Variants in DNAI4 observed in about 807,000 individuals in gnomAD.
DNAI4 encodes the protein WD repeat domain 78.
In DNAI4, 85 loss-of-function variants were observed where a neutral mutation model predicts 105.8. That is an observed-to-expected ratio of 0.80 (90% CI 0.67 to 0.96). DNAI4 has a LOEUF of 0.96. Among genes scored for constraint, DNAI4 ranks in the 40% least tolerant of loss-of-function variants. The pLI is 0.00. For synonymous variants in DNAI4, 352 were observed against 331.5 expected, an observed-to-expected ratio of 1.06 and a Z score of -0.67; for missense variants, 1,014 against 1,005.6, an observed-to-expected ratio of 1.01 and a Z score of -0.11.
At chr1:66,870,268 C>T (rs1439087413) in intron 6 of DNAI4, among the ~76,000 whole-genome samples, 1 of 151,152 alleles carries the variant, frequency 6.6e-6, no homozygotes, top group African/African-American at 2.4e-5. Context: ...ATGGTGAAAC[C>T]CCATCTCTAC....
chr1:66,878,484 A>G (rs951472951), intron 4 of DNAI4, among the ~76,000 whole-genome samples: 1 of 152,182 alleles, frequency 6.6e-6, no homozygotes, highest in African/African-American at 2.4e-5. Context: ...ATTAGAAACC[A>G]AAATCTGAGC....
At chr1:66,891,358 A>T in intron 3 of DNAI4, 92 bp from the exon 4 acceptor site, 2 of 840,266 alleles carry the variant, frequency 2.4e-6, no homozygotes, top group Non-Finnish European at 3.8e-6. Context: ...AGATGGAGAA[A>T]TCAAATATAC....
At chr1:66,859,399 A>C (rs1646577242) in intron 7 of DNAI4, among the ~76,000 whole-genome samples, 1 of 152,182 alleles carries the variant, frequency 6.6e-6, no homozygotes, top group African/African-American at 2.4e-5. Flanking sequence ...TAGTTTCGTA[A>C]AAGGCTAGGG....
chr1:66,893,109 G>GAAAGAAAT (rs1012788036), intron 3 of DNAI4, 120 bp downstream of exon 3: 1 of 487,218 alleles, frequency 2.1e-6, no homozygotes. Flanking sequence ...AAGAAAGAAA[G>GAAAGAAAT]AAAGAAAGAA....
Position 66,837,751 on chromosome 1 carries a change from T to C in DNAI4, c.1540A>G (p.Lys514Glu). 6.2e-7 allele frequency: 1 copy of C among 1,609,960 alleles called. No homozygotes were observed. The highest frequency in any genetic ancestry group is 8.5e-7 in the Non-Finnish European group (1 of 1,178,602). ...GYGHFGFKEQ[K>E]RGLACCWSIK... Reference sequence around the variant, plus strand: ...GACCAGCAGCAAGCCAGTCCTCTTTTTTGCTCTTTAAATCCAAAGTGCCCA... The same window carrying C: ...GACCAGCAGCAAGCCAGTCCTCTTTCTTGCTCTTTAAATCCAAAGTGCCCA... The change falls in exon 10 of 17, where the codon AAA becomes GAA. Residue 514 changes from lysine (K) to glutamate (E), a missense_variant. Physicochemically the swap from Lys to Glu is moderately conservative, Grantham distance 56. Transcript: ENST00000371026.
At position 66,871,413 on chromosome 1, in the gene DNAI4, C is replaced by T; in HGVS notation, c.897G>A (p.Lys299=). 6.2e-7 allele frequency: 1 copy of T among 1,611,748 alleles called. No homozygotes were observed. The highest frequency in any genetic ancestry group is 8.5e-7 in the Non-Finnish European group (1 of 1,178,708). ...RMMQTFNGAP[K]NKDVQCDKII... ...TTTTATCACATTGAACATCTTTATT[C>T]TTTGGTGCTCCATTGAAAGTCTGCA... The change falls in exon 6 of 17, where the codon AAG becomes AAA. Residue 299 remains lysine (K), a synonymous_variant. Coordinates refer to ENST00000371026, the MANE Select transcript of DNAI4 (RefSeq NM_024763.5).
chr1:66,840,145 A>C (rs1646118361), intron 9 of DNAI4, among the ~76,000 whole-genome samples: 1 of 152,212 alleles, frequency 6.6e-6, no homozygotes, highest in African/African-American at 2.4e-5. Flanking sequence ...ACGTTGAATA[A>C]ATATACCAAT....
intron 2 of DNAI4, among the ~76,000 whole-genome samples, chr1:66,902,805 T>C (rs1173751562): frequency 6.6e-6 from 1 of 152,244 alleles, no homozygotes; most frequent in African/African-American, 2.4e-5. Flanking sequence ...AAACTGTCTT[T>C]TCTCCATTGC....
intron 16 of DNAI4, among the ~76,000 whole-genome samples, chr1:66,817,251 C>G (rs138904683): frequency 6.6e-6 from 1 of 152,104 alleles, no homozygotes; most frequent in Admixed American, 6.6e-5. Flanking sequence ...CACACCATTA[C>G]CCATGAGTTG....
chr1:66,823,737 C>T (rs1201091377), intron 15 of DNAI4, among the ~76,000 whole-genome samples: 1 of 147,226 alleles, frequency 6.8e-6, no homozygotes, highest in African/African-American at 2.5e-5. Flanking sequence ...ATGTCCTTCG[C>T]CCACTTTTTG....
At chr1:66,834,366 A>G (rs1216822110) in intron 11 of DNAI4, among the ~76,000 whole-genome samples, 10 of 152,070 alleles carry the variant, frequency 6.6e-5, no homozygotes, top group Non-Finnish European at 1.3e-4. Flanking sequence ...ACTTCTTACA[A>G]AAGAAAAATT....
intron 16 of DNAI4, among the ~76,000 whole-genome samples, chr1:66,818,093 T>C (rs1645554844): frequency 1.3e-5 from 2 of 152,044 alleles, no homozygotes; most frequent in Admixed American, 1.3e-4. Flanking sequence ...GGAATGTATA[T>C]ATTTTTAATA....
chr1:66,897,827 A>C (rs1648458241), intron 2 of DNAI4, among the ~76,000 whole-genome samples: 1 of 152,252 alleles, frequency 6.6e-6, no homozygotes, highest in South Asian at 2.1e-4. Flanking sequence ...TGGATGTATC[A>C]GATGGCCTGG....
chr1:66,919,990 C>T (rs954243894), intron 1 of DNAI4, among the ~76,000 whole-genome samples: 10 of 152,196 alleles, frequency 6.6e-5, no homozygotes, highest in Non-Finnish European at 1.2e-4. Context: ...AAGGCAGGTC[C>T]CTGGCGAGGG....
intron 8 of DNAI4, among the ~76,000 whole-genome samples, chr1:66,846,844 T>A (rs931435497): frequency 2.0e-5 from 3 of 152,224 alleles, no homozygotes; most frequent in Non-Finnish European, 2.9e-5. Context: ...ATGTATTTTT[T>A]AATACATGAT....
chr1:66,909,405 C>A (rs748139382), intron 1 of DNAI4, among the ~76,000 whole-genome samples: 15 of 151,730 alleles, frequency 9.9e-5, no homozygotes, highest in Non-Finnish European at 1.6e-4. Context: ...ATCACCTCCA[C>A]AATACTAACT....
chr1:66,895,028 A>C (rs1648193097), intron 2 of DNAI4, among the ~76,000 whole-genome samples: 2 of 152,244 alleles, frequency 1.3e-5, no homozygotes, highest in South Asian at 4.1e-4. Context: ...TTTGCTCTGC[A>C]CAAATATGTC....
chr1:66,886,312 A>T (rs1164276202), intron 4 of DNAI4, among the ~76,000 whole-genome samples: 5 of 152,118 alleles, frequency 3.3e-5, no homozygotes, highest in African/African-American at 7.2e-5. Context: ...ATAGTTTTTA[A>T]ATTTGTATCA....
chr1:66,871,132 C>A, intron 6 of DNAI4: 1 of 431,828 alleles, frequency 2.3e-6, no homozygotes, highest in Non-Finnish European at 4.0e-6. Flanking sequence ...GTATAAAGTT[C>A]TATGATATAG....
Sources: gnomAD v4.1 joint callset for allele counts (sites outside exome capture counted in the v4.1 genomes callset) on GRCh38, gnomAD v4.1.1 for gene constraint, MANE v1.5 for transcripts, NCBI Gene and HGNC (gene_info 2026-07-23, HGNC 2026-07-21) for gene names.